Variants in LENG9 observed in about 807,000 individuals in gnomAD.
The protein encoded by LENG9 is leukocyte receptor cluster member 9, also known as leukocyte receptor cluster (LRC) member 9.
For missense variants in LENG9, 872 were observed against 652.7 expected (o/e 1.34, Z -3.66); for synonymous variants, 410 against 303.9 (o/e 1.35, Z -3.63).
chr19:54,463,129 C>G lies in LENG9; in HGVS notation c.398G>C (p.Arg133Pro). 2 of 1,598,784 alleles carry G rather than the reference C, an allele frequency of 1.3e-6. No individual in the cohort carries two copies. The highest frequency in any genetic ancestry group is 1.7e-6 in the Non-Finnish European group (2 of 1,177,850). The change falls in exon 1 of 1, where the codon CGC (arginine) becomes CCC (proline). Residue 133 changes from arginine to proline, a missense_variant. Transcript: ENST00000611161. ...GCGCGAGGCGCGGTCCCACACAAGG[C>G]GGCCACGGAAGCGGAAGAAGCGCAC... is the stretch of plus-strand genomic sequence containing the variant. ...HRVRFFRFRG[R>P]LVWDRASRTD...
In LENG9 at chr19:54,462,904, GGTT is replaced by G; in HGVS notation, c.620_622del (p.Glu207_Pro208delinsAla). The G allele has an allele frequency of 6.2e-7, 1 of 1,612,614 alleles. No homozygotes were observed. Among genetic ancestry groups the G allele is most frequent in the Non-Finnish European group, 8.5e-7 (1 of 1,179,970 alleles). On this transcript the variant is annotated inframe_deletion, in exon 1 of 1. Transcript: ENST00000611161. ...CTCCTGGGCCGCCTCCAGCTCTCCG[GGTT>G]CCTCCACGCCTGGTTCCTGGTGCCC...
At position 54,463,558 on chromosome 19, in the gene LENG9, G is replaced by T; in HGVS notation, c.-32C>A. ...GGGGAACTGGCACGCCCGCCGCGCA[G>T]ACGAGGTCGCCCCGCACGGAGGGCG... is the stretch of plus-strand genomic sequence containing the variant. On this transcript the variant is annotated 5_prime_UTR_variant, in exon 1 of 1. It adds an upstream start codon to the 5' untranslated region. Transcript: ENST00000611161. The T allele has an allele frequency of 7.2e-7, 1 of 1,381,950 alleles. No individual in the cohort carries two copies. The highest frequency in any genetic ancestry group is 1.6e-5 in the South Asian group (1 of 63,736). The allele number at this position is 1,381,950 out of a possible 1,614,324, so 85.6% of individuals were successfully genotyped here. A position where few individuals can be genotyped will look rare whatever the true frequency, so the allele number is the denominator to read the frequency against.
Position 54,461,951 on chromosome 19 carries a change from T to C in LENG9, c.*139A>G. 1 of 1,030,360 alleles carries C rather than the reference T, an allele frequency of 9.7e-7. No individual in the cohort carries two copies. The allele number at this position is 1,030,360 out of a possible 1,614,324, so 63.8% of individuals were successfully genotyped here. On this transcript the variant is annotated 3_prime_UTR_variant, in exon 1 of 1. Transcript: ENST00000611161. ...CCTCCTTTTCCTTCCTTCCTTCCTT[T>C]CCTTGGAGCACTGAGCACCATTTGG...
Position 54,463,108 on chromosome 19 carries a change from G to T in LENG9, c.419C>A (p.Ser140Ter), listed in dbSNP as rs766062750. The T allele has an allele frequency of 3.1e-6, 5 of 1,600,690 alleles. No individual in the cohort carries two copies. In the East Asian group the frequency reaches 8.9e-5, roughly 29 times the overall value. ...AGAGCCAAAGACGAGGTCGGTGCGC[G>T]AGGCGCGGTCCCACACAAGGCGGCC... ...FRGRLVWDRA[S>*]RTDLVFGSGS... The change falls in exon 1 of 1, where the codon TCG (serine) becomes TAG (stop). Residue 140 changes from serine (S) to a stop codon, truncating the protein, a stop_gained. Coordinates refer to ENST00000611161, the MANE Select transcript of LENG9 (RefSeq NM_001301782.2). LOFTEE classifies it low-confidence loss of function (END_TRUNC).
Position 54,463,489 on chromosome 19 carries a change from G to A in LENG9, c.38C>T (p.Ala13Val), listed in dbSNP as rs554444490. 1 of 1,309,680 alleles carries A rather than the reference G, an allele frequency of 7.6e-7. No homozygotes were observed. The highest frequency in any genetic ancestry group is 2.1e-5 in the South Asian group (1 of 46,632). 81.1% of individuals were successfully genotyped at this position (1,309,680 alleles called of 1,614,324 possible). The stretch of plus-strand genomic sequence containing the variant: ...CGGGGGCGCGGGTTCCGTGGCGGGG[G>A]CTTCCTGCGGCAACTCCGGCTCTCT... ...AAREPELPQEAPATEPAPPPA... is the reference protein window; with the variant it reads ...AAREPELPQEVPATEPAPPPA... Residue 13 changes from alanine to valine, a missense_variant, in exon 1 of 1, where the codon GCC (alanine) becomes GTC (valine). By Grantham distance (64) the Ala-to-Val change is moderately conservative. Coordinates refer to ENST00000611161, the MANE Select transcript of LENG9 (RefSeq NM_001301782.2).
chr19:54,462,210 G>T lies in LENG9; in HGVS notation c.1317C>A (p.Pro439=). Residue 439 remains proline, a synonymous_variant, in exon 1 of 1, where the codon CCC becomes CCA. Coordinates refer to ENST00000611161, the MANE Select transcript of LENG9 (RefSeq NM_001301782.2). The part of the protein sequence containing the change: ...KVPHGSQVHL[P]KLEFTLSQEV... ...CCTGGCTGAGGGTGAACTCCAGCTT[G>T]GGGAGGTGGACCTGGGAACCATGGG... The T allele has an allele frequency of 1.2e-6, 2 of 1,613,650 alleles. No homozygotes were observed. Among genetic ancestry groups the T allele is most frequent in the Middle Eastern group, 1.6e-4 (1 of 6,062 alleles).
At position 54,462,295 on chromosome 19, in the gene LENG9, C is replaced by T; in HGVS notation, c.1232G>A (p.Gly411Glu). The change falls in exon 1 of 1, where the codon GGG becomes GAG. Residue 411 changes from glycine to glutamate, a missense_variant. Coordinates refer to ENST00000611161, the MANE Select transcript of LENG9 (RefSeq NM_001301782.2). ...QVLSQRLEAE[G>E]LSTLQSPGQL... ...CCCTGGAGACTGTAGTGTACTCAGC[C>T]CCTCGGCTTCCAGCCTCTGGCTCAG... The T allele has an allele frequency of 6.2e-7, 1 of 1,602,022 alleles. No homozygotes were observed. The highest frequency in any genetic ancestry group is 8.5e-7 in the Non-Finnish European group (1 of 1,172,474).
At position 54,461,806 on chromosome 19, in the gene LENG9, T is replaced by TC. The variant is rs765699856; in HGVS notation, c.*283dup. On this transcript the variant is annotated 3_prime_UTR_variant, in exon 1 of 1. Transcript: ENST00000611161. ...CTCCTCTCCCTTTTCTTTTTGGCCCTCCCTCCCTCCCTCTTCTGCCATGTA... is the reference window on the plus strand; with the variant it reads ...CTCCTCTCCCTTTTCTTTTTGGCCCTCCCCTCCCTCCCTCTTCTGCCATGTA... The TC allele has an allele frequency of 2.1e-6, 1 of 467,484 alleles. No homozygotes were observed. Among genetic ancestry groups the TC allele is most frequent in the Non-Finnish European group, 4.4e-6 (1 of 227,194 alleles). The allele number at this position is 467,484 out of a possible 1,614,324, so 29.0% of individuals were successfully genotyped here. A position where few individuals can be genotyped will look rare whatever the true frequency, so the allele number is the denominator to read the frequency against.
Position 54,461,855 on chromosome 19 carries a change from G to T in LENG9, c.*235C>A. Reference sequence around the variant, plus strand: ...TAACTGGAGGATGTGCTATGAGTTTGCAAACAGCTGGACTGTCAGGCTGCT... The same window carrying T: ...TAACTGGAGGATGTGCTATGAGTTTTCAAACAGCTGGACTGTCAGGCTGCT... On this transcript the variant is annotated 3_prime_UTR_variant, in exon 1 of 1. Transcript: ENST00000611161. 58 of 473,550 alleles carry T rather than the reference G, an allele frequency of 1.2e-4. No individual in the cohort carries two copies. The highest frequency in any genetic ancestry group is 2.8e-4 in the East Asian group (4 of 14,466). The allele number at this position is 473,550 out of a possible 1,614,324, so 29.3% of individuals were successfully genotyped here.
Position 54,462,113 on chromosome 19 carries a change from G to C in LENG9, c.1414C>G (p.Leu472Val). Residue 472 changes from leucine (L) to valine (V), a missense_variant, in exon 1 of 1, where the codon CTG becomes GTG. Physicochemically the swap from Leu to Val is conservative, Grantham distance 32 (BLOSUM62 1). Coordinates refer to ENST00000611161, the MANE Select transcript of LENG9 (RefSeq NM_001301782.2). ...TGTCACTCCAGGGGGATCTCAGCCA[G>C]GGGCTGGAAAGGCCCCCCTGTCCTC... ...IGRTGGPFQPLAEIPLE is the reference protein window; with the variant it reads ...IGRTGGPFQPVAEIPLE 1 of 1,571,758 alleles carries C rather than the reference G, an allele frequency of 6.4e-7. No individual in the cohort carries two copies. The highest frequency in any genetic ancestry group is 8.6e-7 in the Non-Finnish European group (1 of 1,158,254).
In LENG9 at chr19:54,462,525, G is replaced by C. The variant is rs751334196; in HGVS notation, c.1002C>G (p.Pro334=). The C allele has an allele frequency of 1.2e-6, 2 of 1,613,542 alleles. No individual in the cohort carries two copies. Among genetic ancestry groups the C allele is most frequent in the African/African-American group, 1.3e-5 (1 of 74,956 alleles). Residue 334 remains proline (P), a synonymous_variant, in exon 1 of 1, where the codon CCC becomes CCG. Coordinates refer to ENST00000611161, the MANE Select transcript of LENG9 (RefSeq NM_001301782.2). ...VAPHCANFLV[P]SQNLHLTLAL... ...CCAGGGTCAGGTGTAGGTTCTGAGAGGGCACTAGGAAGTTGGCGCAGTGTG... is the reference window on the plus strand; with the variant it reads ...CCAGGGTCAGGTGTAGGTTCTGAGACGGCACTAGGAAGTTGGCGCAGTGTG...
chr19:54,462,232 T>C lies in LENG9; in HGVS notation c.1295A>G (p.His432Arg). The C allele has an allele frequency of 6.2e-7, 1 of 1,613,266 alleles. No individual in the cohort carries two copies. The highest frequency in any genetic ancestry group is 8.5e-7 in the Non-Finnish European group (1 of 1,179,538). The change falls in exon 1 of 1, where the codon CAT becomes CGT. Residue 432 changes from histidine to arginine, a missense_variant. Physicochemically the swap from His to Arg is conservative, Grantham distance 29 (BLOSUM62 0). Coordinates refer to ENST00000611161, the MANE Select transcript of LENG9 (RefSeq NM_001301782.2). Reference protein sequence around the residue: ...HPHLTVAKVPHGSQVHLPKLE... With the variant: ...HPHLTVAKVPRGSQVHLPKLE... ...CTTGGGGAGGTGGACCTGGGAACCA[T>C]GGGGCACCTTGGCCACGGTGAGGTG... is the stretch of plus-strand genomic sequence containing the variant.
chr19:54,462,125 GC>G lies in LENG9; in HGVS notation c.1401del (p.Pro468LeufsTer?). 6.3e-7 allele frequency: 1 copy of G among 1,580,096 alleles called. No homozygotes were observed. The highest frequency in any genetic ancestry group is 1.8e-5 in the Admixed American group (1 of 55,064). On this transcript the variant is annotated frameshift_variant, in exon 1 of 1. Coordinates refer to ENST00000611161, the MANE Select transcript of LENG9 (RefSeq NM_001301782.2). LOFTEE classifies it high-confidence loss of function. ...GGGATCTCAGCCAGGGGCTGGAAAG[GC>G]CCCCCTGTCCTCCCTATACGGCACA... Reference protein sequence around the residue: ...LWLCRIGRTGGPFQPLAEIPL... With the variant: ...LWLCRIGRTGXPFQPLAEIPL...
At position 54,462,165 on chromosome 19, in the gene LENG9, C is replaced by T; in HGVS notation, c.1362G>A (p.Leu454=). 1 of 1,610,892 alleles carries T rather than the reference C, an allele frequency of 6.2e-7. No individual in the cohort carries two copies. Among genetic ancestry groups the T allele is most frequent in the Non-Finnish European group, 8.5e-7 (1 of 1,178,174 alleles). ...TLSQEVGCQP[L]QTLWLCRIGR... ...CTATACGGCACAGCCAGAGTGTCTGCAGGGGCTGGCACCCCACTTCCTGGC... is the reference window on the plus strand; with the variant it reads ...CTATACGGCACAGCCAGAGTGTCTGTAGGGGCTGGCACCCCACTTCCTGGC... The change falls in exon 1 of 1, where the codon CTG becomes CTA. Residue 454 remains leucine (L), a synonymous_variant. Transcript: ENST00000611161.
chr19:54,462,652 G>C lies in LENG9; in HGVS notation c.875C>G (p.Pro292Arg). 1 of 1,612,980 alleles carries C rather than the reference G, an allele frequency of 6.2e-7. No homozygotes were observed. ...DKRARLSVAA[P>R]CQPRPTHFVA... ...AAAATGTGTGGGGCGCGGTTGGCAA[G>C]GGGCTGCAACACTAAGGCGGGCCCT... is the stretch of plus-strand genomic sequence containing the variant. The change falls in exon 1 of 1, where the codon CCT becomes CGT. Residue 292 changes from proline (P) to arginine (R), a missense_variant. Transcript: ENST00000611161.
chr19:54,463,178 C>G lies in LENG9; in HGVS notation c.349G>C (p.Val117Leu), dbSNP rs200173541. Reference sequence around the variant, plus strand: ...ACGCGGTGCTGGGGCACTGCCAGCACGCCCGGCCCGAGCGCCGCCAGCGGC... The same window carrying G: ...ACGCGGTGCTGGGGCACTGCCAGCAGGCCCGGCCCGAGCGCCGCCAGCGGC... The part of the protein sequence containing the change: ...DQPLAALGPG[V>L]LAVPQHRVRF... The change falls in exon 1 of 1, where the codon GTG (valine) becomes CTG (leucine). Residue 117 changes from valine to leucine, a missense_variant. Physicochemically the swap from Val to Leu is conservative, Grantham distance 32. Transcript: ENST00000611161. 8 of 1,576,590 alleles carry G rather than the reference C, an allele frequency of 5.1e-6. No homozygotes were observed. Among genetic ancestry groups the G allele is most frequent in the Admixed American group, 1.8e-5 (1 of 56,370 alleles).
rs1458573439 is a variant in LENG9 at position 54,462,015 on chromosome 19, A to AGC, written c.*73_*74dup. 7 of 1,462,128 alleles carry AGC rather than the reference A, an allele frequency of 4.8e-6. No homozygotes were observed. The Admixed American group carries it at 1.2e-4, about 25-fold the overall frequency. 90.6% of individuals were successfully genotyped at this position (1,462,128 alleles called of 1,614,324 possible). ...ACCAAAATTAAAGAGAGAAAGAGAG[A>AGC]GCGTGCACGCTCCTGCTTTGTCTTT... On this transcript the variant is annotated 3_prime_UTR_variant, in exon 1 of 1. Coordinates refer to ENST00000611161, the MANE Select transcript of LENG9 (RefSeq NM_001301782.2).
Position 54,462,573 on chromosome 19 carries a change from C to G in LENG9, c.954G>C (p.Gln318His). The G allele has an allele frequency of 1.2e-6, 2 of 1,613,778 alleles. No individual in the cohort carries two copies. The highest frequency in any genetic ancestry group is 1.1e-5 in the South Asian group (1 of 91,086). ...GTGGGGCCACGTGGACCAGGTATTC[C>G]TGGGCCTTGGTCACTTCTGCTTGTA... ...PGLQAEVTKA[Q>H]EYLVHVAPHC... Residue 318 changes from glutamine (Q) to histidine (H), a missense_variant, in exon 1 of 1, where the codon CAG becomes CAC. Gln to His is a conservative substitution (Grantham distance 24). Coordinates refer to ENST00000611161, the MANE Select transcript of LENG9 (RefSeq NM_001301782.2).
chr19:54,463,755 G>T lies in LENG9; in HGVS notation c.-229C>A. 2.0e-6 allele frequency: 1 copy of T among 501,164 alleles called. No individual in the cohort carries two copies. Among genetic ancestry groups the T allele is most frequent in the Non-Finnish European group, 3.1e-6 (1 of 321,452 alleles). The allele number at this position is 501,164 out of a possible 1,614,324, so 31.0% of individuals were successfully genotyped here. ...CTTCCCGGCTGCGCCCTCCCCCAGC[G>T]CCAGGAAAGCAAGCTGCGTAAAGGC... On this transcript the variant is annotated 5_prime_UTR_variant, in exon 1 of 1. Coordinates refer to ENST00000611161, the MANE Select transcript of LENG9 (RefSeq NM_001301782.2).
Sources: allele counts gnomAD v4.1 joint callset, GRCh38; gene constraint gnomAD v4.1.1; transcripts MANE v1.5; gene names NCBI Gene and HGNC (gene_info 2026-07-23, HGNC 2026-07-21).